The following BCAS1 variants were observed in gnomAD, a reference collection of about 807,000 sequenced individuals.
BCAS1 encodes the protein breast carcinoma-amplified sequence 1.
In BCAS1, 46 loss-of-function variants were observed where a neutral mutation model predicts 65.4. The observed-to-expected ratio is 0.70, with a 90% CI of 0.55 to 0.90. The LOEUF is 0.90. BCAS1 is among the 40% of genes least tolerant of loss of function. The pLI is 0.00. For synonymous variants in BCAS1, 298 were observed against 293.5 expected, an observed-to-expected ratio of 1.02 and a Z score of -0.16; for missense variants, 793 against 771.2, an observed-to-expected ratio of 1.03 and a Z score of -0.33.
At chr20:53,958,461 G>A (rs977018602) in intron 10 of BCAS1, among the ~76,000 whole-genome samples, 1 of 152,344 alleles carries the variant, frequency 6.6e-6, no homozygotes, top group African/African-American at 2.4e-5. Flanking sequence ...ATGGGGCAAA[G>A]AGGAAGACTC....
chr20:54,058,786 T>C (rs533747520), intron 1 of BCAS1, 63 bp from the exon 2 acceptor site: 2 of 1,590,406 alleles, frequency 1.3e-6, no homozygotes, highest in East Asian at 2.2e-5. Flanking sequence ...CTACATGTGC[T>C]ACTAAGGTGC....
rs2090345598 is a variant in BCAS1, at chr20:53,976,773, G to A, written c.1276-1343C>T. On this transcript the variant is annotated intron_variant, in intron 8 of 12. Coordinates refer to ENST00000688948, the MANE Select transcript of BCAS1 (RefSeq NM_001366298.2). Reference sequence around the variant, plus strand: ...ATACAGAATTATTCTCTCTAGATGAGATCTTCAGATTGCATAATTTATTTC... The same window carrying A: ...ATACAGAATTATTCTCTCTAGATGAAATCTTCAGATTGCATAATTTATTTC... 9.8e-5 allele frequency among the ~76,000 whole-genome samples: 15 copies of A among 152,314 alleles called. No homozygotes were observed. In the South Asian group the frequency reaches 3.1e-3, roughly 32 times the overall value.
chr20:53,945,621 C>T (rs1376146860), intron 12 of BCAS1, among the ~76,000 whole-genome samples: 1 of 152,028 alleles, frequency 6.6e-6, no homozygotes, highest in African/African-American at 2.4e-5. Flanking sequence ...ATCTTATTAT[C>T]TAATTTATTT....
At chr20:54,011,423 G>T (rs1321256187) in intron 4 of BCAS1, among the ~76,000 whole-genome samples, 1 of 152,026 alleles carries the variant, frequency 6.6e-6, no homozygotes, top group African/African-American at 2.4e-5. Flanking sequence ...ATTAGAAAAT[G>T]GGCAAAAGAC....
intron 1 of BCAS1, among the ~76,000 whole-genome samples, chr20:54,069,466 C>T (rs1601076115): frequency 6.6e-6 from 1 of 152,200 alleles, no homozygotes; most frequent in Non-Finnish European, 1.5e-5. Context: ...GCATCCCTTA[C>T]ATTTCGTGCC....
rs1289298581 is a variant in BCAS1 at position 53,994,896 on chromosome 20, C to T, written c.927+116G>A. 1.3e-5 allele frequency: 6 copies of T among 450,436 alleles called. No homozygotes were observed. Among genetic ancestry groups the T allele is most frequent in the African/African-American group, 8.7e-5 (4 of 46,122 alleles). 27.9% of individuals were successfully genotyped at this position (450,436 alleles called of 1,614,324 possible). On this transcript the variant is annotated intron_variant, in intron 6 of 12. Transcript: ENST00000688948. ...ATTATATATAGATATGATACACACA[C>T]ACACACACACACACACACACATATA...
chr20:53,954,951 A>G (rs1285834078), intron 11 of BCAS1, among the ~76,000 whole-genome samples: 1 of 152,254 alleles, frequency 6.6e-6, no homozygotes, highest in Non-Finnish European at 1.5e-5. Context: ...ATTTTAAAAA[A>G]TGCAAAATGT....
intron 3 of BCAS1, among the ~76,000 whole-genome samples, chr20:54,037,766 GC>G (rs1264376291): frequency 6.6e-6 from 1 of 151,094 alleles, no homozygotes; most frequent in Non-Finnish European, 1.5e-5. Flanking sequence ...ACCCACATTT[GC>G]CTGATTCCAA....
At chr20:54,008,808 AT>A (rs879383985) in intron 4 of BCAS1, among the ~76,000 whole-genome samples, 1,509 of 144,450 alleles carry the variant, frequency 0.01, 17 homozygotes, top group African/African-American at 0.03. Flanking sequence ...TCTAACAAAG[AT>A]TTTTTTTTTT....
At chr20:53,949,704 G>T (rs1341449668) in intron 12 of BCAS1, among the ~76,000 whole-genome samples, 5 of 152,174 alleles carry the variant, frequency 3.3e-5, no homozygotes, top group Admixed American at 3.3e-4. Flanking sequence ...GGTCTAGGGG[G>T]CCTGAGCTGA....
At chr20:54,031,843 A>T (rs1202273343) in intron 3 of BCAS1, among the ~76,000 whole-genome samples, 6 of 151,198 alleles carry the variant, frequency 4.0e-5, no homozygotes, top group African/African-American at 1.5e-4. Context: ...AATCAAGCCT[A>T]CCAAATCTAT....
chr20:54,066,375 G>A (rs898678897), intron 1 of BCAS1, among the ~76,000 whole-genome samples: 2 of 152,100 alleles, frequency 1.3e-5, no homozygotes, highest in African/African-American at 4.8e-5. Context: ...CCCGGCCGAG[G>A]CAGGTATTTT....
intron 7 of BCAS1, among the ~76,000 whole-genome samples, chr20:53,991,701 G>A (rs1048124566): frequency 6.6e-6 from 1 of 152,128 alleles, no homozygotes; most frequent in African/African-American, 2.4e-5. Context: ...TTTCCGCCTG[G>A]ACTTTTATTT....
chr20:54,035,525 T>C (rs1423315811), intron 3 of BCAS1, among the ~76,000 whole-genome samples: 1 of 150,632 alleles, frequency 6.6e-6, no homozygotes, highest in Non-Finnish European at 1.5e-5. Flanking sequence ...CTAATACCAG[T>C]CAGAATGATA....
At chr20:53,962,653 AATATGT>A (rs11470423) in intron 10 of BCAS1, among the ~76,000 whole-genome samples, 11,374 of 152,132 alleles carry the variant, frequency 0.075, 799 homozygotes, top group African/African-American at 0.19. Flanking sequence ...CAGCTGAATT[AATATGT>A]ATAAGAATCT....
At chr20:54,030,809 C>T (rs2091783427) in intron 3 of BCAS1, among the ~76,000 whole-genome samples, 1 of 151,154 alleles carries the variant, frequency 6.6e-6, no homozygotes, top group Non-Finnish European at 1.5e-5. Context: ...AATCACCCTG[C>T]CAGCATATTG....
At chr20:53,974,230 C>G (rs574261295) in intron 9 of BCAS1, among the ~76,000 whole-genome samples, 2 of 152,200 alleles carry the variant, frequency 1.3e-5, no homozygotes, top group East Asian at 1.9e-4. Flanking sequence ...AGCCACAACC[C>G]GCTTGGGTCC....
intron 4 of BCAS1, among the ~76,000 whole-genome samples, chr20:54,013,367 G>A (rs1014950055): frequency 6.6e-6 from 1 of 152,200 alleles, no homozygotes; most frequent in Non-Finnish European, 1.5e-5. Flanking sequence ...GCTTTTGTGT[G>A]TATGACTAGA....
Position 54,028,922 on chromosome 20 carries a change from C to G in BCAS1, c.193G>C (p.Glu65Gln), listed in dbSNP as rs373877569. 1.9e-6 allele frequency: 3 copies of G among 1,613,900 alleles called. No individual in the cohort carries two copies. The highest frequency in any genetic ancestry group is 1.7e-5 in the Admixed American group (1 of 60,010). ...GCAACAGCACTTATCTCCGTTGTCT[C>G]GGGGGAAGAAGTGGCCACATTATCC... The part of the protein sequence containing the change: ...KTDNVATSSP[E>Q]TTEISAVADA... The change falls in exon 4 of 13, where the codon GAG becomes CAG. Residue 65 changes from glutamate (E) to glutamine (Q), a missense_variant. By Grantham distance (29) the Glu-to-Gln change is conservative. Transcript: ENST00000688948.
Sources: gnomAD v4.1 joint callset for allele counts (sites outside exome capture counted in the v4.1 genomes callset) on GRCh38, gnomAD v4.1.1 for gene constraint, MANE v1.5 for transcripts, NCBI Gene and HGNC (gene_info 2026-07-23, HGNC 2026-07-21) for gene names.